The following FSTL5 variants were observed in gnomAD, a reference collection of about 807,000 sequenced individuals.
FSTL5 encodes follistatin like 5, also known as follistatin-related protein 5.
FSTL5 carries 62 observed loss-of-function variants against 89.1 expected under a neutral mutation model. That is an observed-to-expected ratio of 0.70 (90% CI 0.57 to 0.86). The LOEUF (loss-of-function observed/expected upper bound fraction) is 0.86, where lower values mean the gene tolerates loss of function less well. Ranked by LOEUF, FSTL5 falls within the 40% of genes least tolerant of loss-of-function variation. The pLI is 0.00. For missense variants in FSTL5, 1,057 were observed against 1,001.6 expected, an observed-to-expected ratio of 1.06 and a Z score of -0.75; for synonymous variants, 383 against 346.2, an observed-to-expected ratio of 1.11 and a Z score of -1.18.
chr4:162,157,143 T>A (rs1472926460), intron 1 of FSTL5, among the ~76,000 whole-genome samples: 1 of 152,004 alleles, frequency 6.6e-6, no homozygotes, highest in Admixed American at 6.6e-5. Flanking sequence ...GTAAAAATGA[T>A]AAGAGAAAAA....
chr4:161,775,594 A>C (rs1452691419), intron 5 of FSTL5, among the ~76,000 whole-genome samples: 1 of 152,090 alleles, frequency 6.6e-6, no homozygotes, highest in Non-Finnish European at 1.5e-5. Flanking sequence ...GATATTATAA[A>C]TTCTACAAGA....
At chr4:161,891,989 C>T (rs1490884455) in intron 4 of FSTL5, among the ~76,000 whole-genome samples, 1 of 151,980 alleles carries the variant, frequency 6.6e-6, no homozygotes, top group African/African-American at 2.4e-5. Flanking sequence ...CTAGCTTTGA[C>T]AGTTTTGCTT....
chr4:161,975,631 A>C (rs901276577), intron 3 of FSTL5, among the ~76,000 whole-genome samples: 1 of 151,744 alleles, frequency 6.6e-6, no homozygotes, highest in African/African-American at 2.4e-5. Flanking sequence ...GAGGGATAGC[A>C]CTGGGAGATA....
At chr4:161,916,872 T>C (rs1422748658) in intron 4 of FSTL5, among the ~76,000 whole-genome samples, 3 of 152,226 alleles carry the variant, frequency 2.0e-5, no homozygotes, top group African/African-American at 4.8e-5. Flanking sequence ...GAAATGTAGA[T>C]GATTTAACAT....
At chr4:162,022,394 C>T (rs951687531) in intron 3 of FSTL5, among the ~76,000 whole-genome samples, 2 of 151,598 alleles carry the variant, frequency 1.3e-5, no homozygotes, top group South Asian at 4.2e-4. Flanking sequence ...TTACATATAT[C>T]CTCCATACCA....
At chr4:161,569,522 T>C (rs908204168) in intron 8 of FSTL5, among the ~76,000 whole-genome samples, 1 of 152,134 alleles carries the variant, frequency 6.6e-6, no homozygotes, top group Admixed American at 6.6e-5. Flanking sequence ...AGCAATTACA[T>C]TTCTGTTCCT....
intron 3 of FSTL5, among the ~76,000 whole-genome samples, chr4:161,973,318 T>C (rs1368418741): frequency 1.3e-5 from 2 of 152,196 alleles, no homozygotes; most frequent in Non-Finnish European, 2.9e-5. Flanking sequence ...AGCTCTATGA[T>C]AGCTCCATTC....
At chr4:162,085,111 C>A (rs1730258834) in intron 2 of FSTL5, among the ~76,000 whole-genome samples, 1 of 151,844 alleles carries the variant, frequency 6.6e-6, no homozygotes, top group African/African-American at 2.4e-5. Context: ...AAAAATAAGA[C>A]AAAATATTTT....
intron 3 of FSTL5, among the ~76,000 whole-genome samples, chr4:162,032,975 T>C (rs895912204): frequency 6.6e-6 from 1 of 152,064 alleles, no homozygotes; most frequent in African/African-American, 2.4e-5. Flanking sequence ...TGAATGGAGA[T>C]GCCAGAGGGA....
intron 4 of FSTL5, among the ~76,000 whole-genome samples, chr4:161,889,847 A>G (rs1295727637): frequency 6.6e-6 from 1 of 152,206 alleles, no homozygotes; most frequent in Non-Finnish European, 1.5e-5. Context: ...TTTTTCTCTA[A>G]TAAACATTCT....
At chr4:161,402,732 C>T (rs868052887) in intron 15 of FSTL5, among the ~76,000 whole-genome samples, 3 of 152,020 alleles carry the variant, frequency 2.0e-5, no homozygotes, top group Non-Finnish European at 4.4e-5. Context: ...ATGCCATTTA[C>T]TATACAATCA....
At chr4:162,031,665 CG>C (rs1421510248) in intron 3 of FSTL5, among the ~76,000 whole-genome samples, 1 of 152,008 alleles carries the variant, frequency 6.6e-6, no homozygotes, top group East Asian at 1.9e-4. Flanking sequence ...GGGCCGGGCG[CG>C]GTGGCTCAAG....
At chr4:162,058,397 G>C (rs1342768939) in intron 2 of FSTL5, among the ~76,000 whole-genome samples, 5 of 142,012 alleles carry the variant, frequency 3.5e-5, no homozygotes, top group Admixed American at 2.8e-4. Context: ...TCTGATCAAT[G>C]TTACACTTTC....
intron 5 of FSTL5, 29 bp downstream of exon 5, chr4:161,775,849 A>C: frequency 8.6e-7 from 1 of 1,161,102 alleles, no homozygotes; most frequent in Non-Finnish European, 1.2e-6. Flanking sequence ...ATATTTCAGT[A>C]AGTTTGTTAA....
intron 13 of FSTL5, among the ~76,000 whole-genome samples, chr4:161,477,931 G>A (rs936303328): frequency 2.0e-5 from 3 of 151,858 alleles, no homozygotes; most frequent in Non-Finnish European, 4.4e-5. Context: ...AAACTTAGCA[G>A]GAATGTATAG....
At chr4:162,004,897 C>T (rs1736571877) in intron 3 of FSTL5, among the ~76,000 whole-genome samples, 2 of 152,114 alleles carry the variant, frequency 1.3e-5, no homozygotes, top group Admixed American at 6.6e-5. Flanking sequence ...CCAACTGTCC[C>T]CATGATTTTG....
intron 3 of FSTL5, among the ~76,000 whole-genome samples, chr4:161,966,536 G>A (rs966516315): frequency 6.6e-6 from 1 of 152,064 alleles, no homozygotes; most frequent in African/African-American, 2.4e-5. Flanking sequence ...TTGAGGTCTA[G>A]AATAGATGCT....
chr4:162,128,977 A>G (rs1732188838), intron 1 of FSTL5, among the ~76,000 whole-genome samples: 1 of 147,308 alleles, frequency 6.8e-6, no homozygotes, highest in African/African-American at 2.5e-5. Flanking sequence ...GCTGGAGCGC[A>G]GTGGCGCCAT....
intron 4 of FSTL5, among the ~76,000 whole-genome samples, chr4:161,829,553 T>C (rs1218972304): frequency 1.3e-5 from 2 of 152,058 alleles, no homozygotes; most frequent in African/African-American, 4.8e-5. Flanking sequence ...TTGTTTTAAG[T>C]ATTTCTTAGG....
Sources: gnomAD v4.1 joint callset for allele counts (sites outside exome capture counted in the v4.1 genomes callset) on GRCh38, gnomAD v4.1.1 for gene constraint, MANE v1.5 for transcripts, NCBI Gene and HGNC (gene_info 2026-07-23, HGNC 2026-07-21) for gene names.